Variants in ITFG1 observed in about 807,000 individuals in gnomAD.
ITFG1 encodes integrin alpha FG-GAP repeat containing 1.
Under a neutral mutation model 81.8 loss-of-function variants are expected in ITFG1, and 34 were observed. That is an observed-to-expected ratio of 0.42 (90% confidence interval 0.32 to 0.55). The LOEUF is 0.55. Among genes scored for constraint, ITFG1 ranks in the 20% least tolerant of loss-of-function variants. The pLI, the probability that ITFG1 is intolerant of heterozygous loss-of-function variation, is 0.17. For missense variants in ITFG1, 672 were observed against 755.4 expected (o/e 0.89, Z 1.29); for synonymous variants, 285 against 270.6 (o/e 1.05, Z -0.52).
chr16:47,362,345 T>C (rs1394676244), intron 8 of ITFG1, among the ~76,000 whole-genome samples: 2 of 152,206 alleles, frequency 1.3e-5, no homozygotes, highest in African/African-American at 4.8e-5. Context: ...GAACTCCTAC[T>C]GCATGCTCAA....
At chr16:47,459,200 T>A in intron 1 of ITFG1, 25 bp from the exon 2 acceptor site, 1 of 1,434,934 alleles carries the variant, frequency 7.0e-7, no homozygotes, top group Non-Finnish European at 9.8e-7. Flanking sequence ...TATATGATAT[T>A]AGAAAAATGT....
In ITFG1 at chr16:47,454,138, G is replaced by C. The variant is rs780779201; in HGVS notation, c.302C>G (p.Thr101Arg). The change falls in exon 3 of 18, where the codon ACA becomes AGA. Residue 101 changes from threonine to arginine, a missense_variant. This residue lies in a region of ITFG1 where 560 missense variants were observed against 625.7 expected (regional missense o/e 0.90). Coordinates refer to ENST00000320640, the MANE Select transcript of ITFG1 (RefSeq NM_030790.5). ...VSFKNHSALI[T>R]SVVPGDYDGD... ...ATCATAATCCCCAGGGACTACACTT[G>C]TTATCAATGCACTGTGATTCCTAAA... The C allele has an allele frequency of 1.2e-6, 2 of 1,605,694 alleles. No homozygotes were observed. Among genetic ancestry groups the C allele is most frequent in the African/African-American group, 2.7e-5 (2 of 74,664 alleles).
intron 10 of ITFG1, among the ~76,000 whole-genome samples, chr16:47,302,569 A>C (rs1406274856): frequency 6.6e-6 from 1 of 152,162 alleles, no homozygotes; most frequent in African/African-American, 2.4e-5. Context: ...TAATGCTGCA[A>C]TCACTAGACA....
chr16:47,444,454 A>G (rs1297809763), intron 5 of ITFG1, among the ~76,000 whole-genome samples: 3 of 152,174 alleles, frequency 2.0e-5, no homozygotes, highest in African/African-American at 7.2e-5. Context: ...TGCCTTTCTC[A>G]TTTTATTAAA....
At position 47,181,256 on chromosome 16, in the gene ITFG1, C is replaced by T. The variant is rs533936000; in HGVS notation, c.1454-18592G>A. On this transcript the variant is annotated intron_variant, in intron 14 of 17. Transcript: ENST00000320640. ...CCGTCTGAGAAGTGAGGAGCCCCTC[C>T]GCCCGGCAGCCACCCCGTCTGGGAA... Among the ~76,000 whole-genome samples, 194 of 143,196 alleles carry T rather than the reference C, an allele frequency of 1.4e-3. 1 individual carries two copies. Among genetic ancestry groups the T allele is most frequent in the Middle Eastern group, 4.7e-3 (1 of 212 alleles). The allele number at this position is 143,196 out of a possible 152,430, so 93.9% of individuals were successfully genotyped here. A position where few individuals can be genotyped will look rare whatever the true frequency, so the allele number is the denominator to read the frequency against.
At chr16:47,249,613 G>T (rs1345907334) in intron 12 of ITFG1, among the ~76,000 whole-genome samples, 1 of 152,120 alleles carries the variant, frequency 6.6e-6, no homozygotes, top group Non-Finnish European at 1.5e-5. Flanking sequence ...AACACTTGAT[G>T]AGCTATGTGA....
chr16:47,162,453 A>T (rs1964821546), intron 15 of ITFG1, 87 bp downstream of exon 15: 5 of 1,142,660 alleles, frequency 4.4e-6, no homozygotes, highest in Non-Finnish European at 4.8e-6. Flanking sequence ...ATTCAAATTC[A>T]ATTAGGTTCA....
At chr16:47,159,184 T>C (rs1401166577) in intron 16 of ITFG1, among the ~76,000 whole-genome samples, 194 bp from the exon 17 acceptor site, 2 of 152,180 alleles carry the variant, frequency 1.3e-5, no homozygotes, top group Non-Finnish European at 2.9e-5. Flanking sequence ...ATATTGATGA[T>C]TCTGCAGTTT....
At chr16:47,342,617 A>G (rs1451508979) in intron 8 of ITFG1, among the ~76,000 whole-genome samples, 1 of 152,108 alleles carries the variant, frequency 6.6e-6, no homozygotes, top group Non-Finnish European at 1.5e-5. Context: ...ATCCAGAAGA[A>G]AGCTAAGAGA....
chr16:47,215,355 T>C (rs1361912510), intron 14 of ITFG1, among the ~76,000 whole-genome samples: 2 of 152,216 alleles, frequency 1.3e-5, no homozygotes, highest in Admixed American at 1.3e-4. Flanking sequence ...GTCAATTAAA[T>C]TAAGTGCTAC....
intron 14 of ITFG1, among the ~76,000 whole-genome samples, chr16:47,166,609 T>C (rs559009689): frequency 6.6e-6 from 1 of 152,308 alleles, no homozygotes; most frequent in Admixed American, 6.5e-5. Context: ...TGTATTATTA[T>C]GTATACTTCT....
intron 14 of ITFG1, among the ~76,000 whole-genome samples, chr16:47,194,069 A>ATTTTTGTGTG (rs1965326104): frequency 6.6e-6 from 1 of 152,164 alleles, no homozygotes; most frequent in East Asian, 1.9e-4. Context: ...TTGTTAAATT[A>ATTTTTGTGTG]TTTTTGTGTG....
intron 14 of ITFG1, among the ~76,000 whole-genome samples, chr16:47,173,910 C>T (rs184544300): frequency 3.3e-5 from 5 of 152,088 alleles, no homozygotes; most frequent in East Asian, 3.9e-4. Context: ...CATGGTGGCA[C>T]GTGCCTGTAG....
chr16:47,320,871 C>G (rs1363236869), intron 8 of ITFG1, among the ~76,000 whole-genome samples: 2 of 152,148 alleles, frequency 1.3e-5, no homozygotes, highest in African/African-American at 4.8e-5. Context: ...CAAAAACCCA[C>G]TGCAAAGTTG....
At chr16:47,303,301 T>C (rs1967106628) in intron 10 of ITFG1, among the ~76,000 whole-genome samples, 2 of 152,100 alleles carry the variant, frequency 1.3e-5, no homozygotes, top group South Asian at 2.1e-4. Context: ...TGCTGATTTA[T>C]ATTTTCCTTT....
intron 6 of ITFG1, among the ~76,000 whole-genome samples, chr16:47,424,440 T>C (rs1476751963): frequency 6.6e-6 from 1 of 152,212 alleles, no homozygotes; most frequent in Non-Finnish European, 1.5e-5. Context: ...TGTCAACTCA[T>C]CAAACTCATT....
chr16:47,292,045 G>T (rs377406790), intron 10 of ITFG1, among the ~76,000 whole-genome samples: 1 of 149,796 alleles, frequency 6.7e-6, no homozygotes. Flanking sequence ...ATGGAGTTTC[G>T]CTCTTTCGTC....
rs11860204 is a variant in ITFG1 at position 47,263,683 on chromosome 16, T to C, written c.1071-2988A>G. Among the ~76,000 whole-genome samples the C allele has an allele frequency of 7.5e-3, 1,146 of 152,308 alleles. 18 individuals carry two copies. Among genetic ancestry groups the C allele is most frequent in the African/African-American group, 0.026 (1,086 of 41,552 alleles). ...AATGAGCTGCTGCAGAGGTGGCTAT[T>C]TTACTTTCTTGGATGTTAAGGTACT... On this transcript the variant is annotated intron_variant, in intron 10 of 17. Transcript: ENST00000320640.
intron 12 of ITFG1, among the ~76,000 whole-genome samples, chr16:47,243,224 T>TTATACATATA (rs1410142504): frequency 6.6e-5 from 10 of 152,128 alleles, no homozygotes; most frequent in Non-Finnish European, 1.3e-4. Context: ...ATATTCTAGA[T>TTATACATATA]TATACATATA....
Sources: allele counts gnomAD v4.1 joint callset (sites outside exome capture counted in the v4.1 genomes callset), GRCh38; gene constraint gnomAD v4.1.1; regional missense constraint gnomAD v4.1.1; transcripts MANE v1.5; gene names NCBI Gene and HGNC (gene_info 2026-07-23, HGNC 2026-07-21).